The following NSA2 variants were observed in gnomAD, a reference collection of about 807,000 sequenced individuals.
NSA2 encodes ribosome biogenesis protein NSA2 homolog.
A neutral mutation model predicts 34.8 loss-of-function variants in NSA2; 18 were observed. The observed-to-expected ratio is 0.52, with a 90% confidence interval of 0.36 to 0.77. The LOEUF (loss-of-function observed/expected upper bound fraction) is 0.77. NSA2 is among the 30% of genes least tolerant of loss of function. The probability of loss-of-function intolerance (pLI) is 0.00; values close to 1 mark genes in which losing one functional copy is unlikely to be tolerated. For missense variants in NSA2, 188 were observed against 314.7 expected, an observed-to-expected ratio of 0.60 and a Z score of 3.05; for synonymous variants, 79 against 100.2, an observed-to-expected ratio of 0.79 and a Z score of 1.26.
In NSA2 at chr5:74,770,821, G is replaced by A. The variant is rs1220021908; in HGVS notation, c.522+11G>A. On this transcript the variant is annotated intron_variant, in intron 4 of 5. Transcript: ENST00000610426. ...TTCATCAGGCCAATGGTAAGTCCTT[G>A]GAAGAGTGTAATGACCGAAATGTTA... The A allele has an allele frequency of 1.3e-6, 2 of 1,561,434 alleles. No individual in the cohort carries two copies. Among genetic ancestry groups the A allele is most frequent in the Non-Finnish European group, 1.7e-6 (2 of 1,156,914 alleles).
At position 74,779,371 on chromosome 5, in the gene NSA2, C is replaced by T. The variant is rs1745293614; in HGVS notation, c.*2700C>T. The T allele has an allele frequency of 6.6e-6, 1 of 152,114 alleles. No individual in the cohort carries two copies. Among genetic ancestry groups the T allele is most frequent in the Non-Finnish European group, 1.5e-5 (1 of 67,994 alleles). 9.4% of individuals were successfully genotyped at this position (152,114 alleles called of 1,614,324 possible). ...AATACAGGGAAAATTAGCATGGCCC[C>T]TGTGCAAGGATGACACAAATTCATG... On this transcript the variant is annotated 3_prime_UTR_variant, in exon 6 of 6. Coordinates refer to ENST00000610426, the MANE Select transcript of NSA2 (RefSeq NM_014886.6).
intron 5 of NSA2, among the ~76,000 whole-genome samples, chr5:74,774,386 G>T (rs1018967631): frequency 1.3e-5 from 2 of 152,120 alleles, no homozygotes; most frequent in Non-Finnish European, 2.9e-5. Flanking sequence ...TGGATCACCT[G>T]AAGTCAGGAG....
chr5:74,776,045 G>A (rs1394673483), intron 5 of NSA2, among the ~76,000 whole-genome samples: 2 of 152,156 alleles, frequency 1.3e-5, no homozygotes, highest in African/African-American at 4.8e-5. Context: ...GCCTGTTAAT[G>A]CAATGTACTA....
At position 74,767,375 on chromosome 5, in the gene NSA2, G is replaced by A. The variant is rs779215814; in HGVS notation, c.3+12G>A. ...CGGCCGTCACCATGGTAAGGAGGAT[G>A]CCTCGGACGCTCGCGACACACAGCG... On this transcript the variant is annotated intron_variant, in intron 1 of 5. Coordinates refer to ENST00000610426, the MANE Select transcript of NSA2 (RefSeq NM_014886.6). 1.9e-6 allele frequency: 3 copies of A among 1,612,858 alleles called. No individual in the cohort carries two copies. Among genetic ancestry groups the A allele is most frequent in the Middle Eastern group, 1.7e-4 (1 of 6,050 alleles).
In NSA2 at chr5:74,776,924, G is replaced by T. The variant is rs1745150623; in HGVS notation, c.*253G>T. The T allele has an allele frequency of 7.1e-6, 2 of 280,952 alleles. No individual in the cohort carries two copies. Among genetic ancestry groups the T allele is most frequent in the Non-Finnish European group, 1.3e-5 (2 of 150,902 alleles). The allele number at this position is 280,952 out of a possible 1,614,324, so 17.4% of individuals were successfully genotyped here. A position where few individuals can be genotyped will look rare whatever the true frequency, so the allele number is the denominator to read the frequency against. On this transcript the variant is annotated 3_prime_UTR_variant, in exon 6 of 6. Coordinates refer to ENST00000610426, the MANE Select transcript of NSA2 (RefSeq NM_014886.6). Reference sequence around the variant, plus strand: ...TCCTACTTCATCAATATCTGCATTTGTGAGTGGGTATTCAGCAATTTCCTG... The same window carrying T: ...TCCTACTTCATCAATATCTGCATTTTTGAGTGGGTATTCAGCAATTTCCTG...
At chr5:74,775,680 A>G (rs1487731845) in intron 5 of NSA2, among the ~76,000 whole-genome samples, 1 of 145,074 alleles carries the variant, frequency 6.9e-6, no homozygotes, top group East Asian at 2.0e-4. Flanking sequence ...AAGCAGATGC[A>G]AAGTTATAAC....
chr5:74,778,320 G>A lies in NSA2; in HGVS notation c.*1649G>A, dbSNP rs1033565857. ...TGTACATTAAGATCTGTTTCAGTTT[G>A]CTGGTGTGACCAAACCTTAGAAGGT... On this transcript the variant is annotated 3_prime_UTR_variant, in exon 6 of 6. Coordinates refer to ENST00000610426, the MANE Select transcript of NSA2 (RefSeq NM_014886.6). 6.6e-6 allele frequency: 1 copy of A among 152,028 alleles called. No homozygotes were observed. Among genetic ancestry groups the A allele is most frequent in the African/African-American group, 2.4e-5 (1 of 41,438 alleles). 9.4% of individuals were successfully genotyped at this position (152,028 alleles called of 1,614,324 possible). A position where few individuals can be genotyped will look rare whatever the true frequency, so the allele number is the denominator to read the frequency against.
chr5:74,772,362 G>A (rs1283271935), intron 4 of NSA2, among the ~76,000 whole-genome samples: 2 of 152,016 alleles, frequency 1.3e-5, no homozygotes, highest in Admixed American at 6.5e-5. Context: ...TCCGTGATCC[G>A]CCCGCCTTAG....
rs745964146 is a variant in NSA2 at position 74,769,030 on chromosome 5, C to T, written c.103C>T (p.Arg35Cys). 6.8e-6 allele frequency: 11 copies of T among 1,611,682 alleles called. No homozygotes were observed. Among genetic ancestry groups the T allele is most frequent in the African/African-American group, 4.0e-5 (3 of 74,786 alleles). ...GAAGGAAAGTCGAGAGGCTCATGAA[C>T]GTTCAAAGAAGGCAAAGAAAATGAT... The part of the protein sequence containing the change: ...RKKESREAHE[R>C]SKKAKKMIGL... Residue 35 changes from arginine (R) to cysteine (C), a missense_variant, in exon 2 of 6, where the codon CGT (arginine) becomes TGT (cysteine). Arg to Cys is a radical substitution (Grantham distance 180). Transcript: ENST00000610426.
chr5:74,769,431 T>A (rs1416155775), intron 3 of NSA2, 67 bp downstream of exon 3: 4 of 1,332,720 alleles, frequency 3.0e-6, no homozygotes, highest in Middle Eastern at 1.9e-4. Flanking sequence ...TTTGAGGTTC[T>A]TGTTTCTCGG....
chr5:74,770,529 CA>C (rs1439391815), intron 3 of NSA2, 101 bp from the exon 4 acceptor site: 831 of 951,562 alleles, frequency 8.7e-4, no homozygotes, highest in South Asian at 1.8e-3. Context: ...GATGGTCAAG[CA>C]AAAAAAATAG....
In NSA2 at chr5:74,779,219, T is replaced by C. The variant is rs1048531027; in HGVS notation, c.*2548T>C. The stretch of plus-strand genomic sequence containing the variant: ...TGGTCATATATGATTAATAAACATT[T>C]TTTGTAAACTCAACTATATTCACAC... On this transcript the variant is annotated 3_prime_UTR_variant, in exon 6 of 6. Coordinates refer to ENST00000610426, the MANE Select transcript of NSA2 (RefSeq NM_014886.6). 1 of 152,162 alleles carries C rather than the reference T, an allele frequency of 6.6e-6. No homozygotes were observed. The highest frequency in any genetic ancestry group is 1.5e-5 in the Non-Finnish European group (1 of 67,996). 9.4% of individuals were successfully genotyped at this position (152,162 alleles called of 1,614,324 possible).
rs1043968 is a variant in NSA2 at position 74,767,329 on chromosome 5, C to T, written c.-32C>T. 1.2e-6 allele frequency: 2 copies of T among 1,612,880 alleles called. No individual in the cohort carries two copies. Among genetic ancestry groups the T allele is most frequent in the Non-Finnish European group, 8.5e-7 (1 of 1,179,380 alleles). ...AATTGAGAGCGTTTTCGCACTCCAG[C>T]GGCTGCTCCTGGCGGCTCTGCGGCC... On this transcript the variant is annotated 5_prime_UTR_variant, in exon 1 of 6. Coordinates refer to ENST00000610426, the MANE Select transcript of NSA2 (RefSeq NM_014886.6).
In NSA2 at chr5:74,778,996, TGA is replaced by T. The variant is rs1745269008; in HGVS notation, c.*2329_*2330del. 6.6e-6 allele frequency: 1 copy of T among 152,136 alleles called. No individual in the cohort carries two copies. Among genetic ancestry groups the T allele is most frequent in the Non-Finnish European group, 1.5e-5 (1 of 67,968 alleles). 9.4% of individuals were successfully genotyped at this position (152,136 alleles called of 1,614,324 possible). ...AATTCTATACTCAAGTTACTGAACA[TGA>T]GAGTTAGGTTTTTCCAAGTGATCTA... On this transcript the variant is annotated 3_prime_UTR_variant, in exon 6 of 6. Transcript: ENST00000610426.
rs533560758 is a variant in NSA2 at position 74,774,907 on chromosome 5, C to T, written c.715+847C>T. On this transcript the variant is annotated intron_variant, in intron 5 of 5. Transcript: ENST00000610426. Reference sequence around the variant, plus strand: ...CATTTAAAGAAATAGAACTATCTGTCCCACGTAGGTAAACTGATCATTGAA... The same window carrying T: ...CATTTAAAGAAATAGAACTATCTGTTCCACGTAGGTAAACTGATCATTGAA... Among the ~76,000 whole-genome samples the T allele has an allele frequency of 4.6e-5, 7 of 152,240 alleles. No homozygotes were observed. The East Asian group carries it at 1.4e-3, about 29-fold the overall frequency.
rs1262201101 is a variant in NSA2 at position 74,767,314 on chromosome 5, G to A, written c.-47G>A. The A allele has an allele frequency of 5.6e-6, 9 of 1,612,628 alleles. No homozygotes were observed. Among genetic ancestry groups the A allele is most frequent in the South Asian group, 1.1e-5 (1 of 91,034 alleles). ...TCTTTGAGACCCGAAAATTGAGAGC[G>A]TTTTCGCACTCCAGCGGCTGCTCCT... On this transcript the variant is annotated 5_prime_UTR_variant, in exon 1 of 6. Coordinates refer to ENST00000610426, the MANE Select transcript of NSA2 (RefSeq NM_014886.6).
At position 74,773,954 on chromosome 5, in the gene NSA2, C is replaced by G; in HGVS notation, c.609C>G (p.Pro203=). The change falls in exon 5 of 6, where the codon CCC becomes CCG. Residue 203 remains proline, a synonymous_variant. Coordinates refer to ENST00000610426, the MANE Select transcript of NSA2 (RefSeq NM_014886.6). ...CLPILGVKKN[P]SSPLYTTLGV... Reference sequence around the variant, plus strand: ...CAATACTTGGTGTAAAGAAGAATCCCTCATCCCCACTGTATACAACTTTGG... The same window carrying G: ...CAATACTTGGTGTAAAGAAGAATCCGTCATCCCCACTGTATACAACTTTGG... 6.2e-7 allele frequency: 1 copy of G among 1,613,956 alleles called. No individual in the cohort carries two copies.
intron 3 of NSA2, among the ~76,000 whole-genome samples, chr5:74,770,127 T>TG: frequency 6.6e-6 from 1 of 152,262 alleles, no homozygotes; most frequent in East Asian, 1.9e-4. Flanking sequence ...GGTCAGGAGT[T>TG]CAAGACCAGC....
chr5:74,774,176 A>T, intron 5 of NSA2, 116 bp downstream of exon 5: 1 of 610,010 alleles, frequency 1.6e-6, no homozygotes, highest in Non-Finnish European at 2.9e-6. Flanking sequence ...TAGAGCTAAA[A>T]CACTGTAAAT....
Sources: gnomAD v4.1 joint callset for allele counts (sites outside exome capture counted in the v4.1 genomes callset) on GRCh38, gnomAD v4.1.1 for gene constraint, MANE v1.5 for transcripts, NCBI Gene and HGNC (gene_info 2026-07-23, HGNC 2026-07-21) for gene names.